MALRD1: variants seen among roughly 807,000 people sequenced by gnomAD.
MALRD1 encodes MAM and LDL receptor class A domain containing 1, also known as MAM and LDL-receptor class A domain-containing protein 1.
In MALRD1, 247 loss-of-function variants were observed where a neutral mutation model predicts 242.1. The ratio of observed to expected loss-of-function variants is 1.02; its 90% CI spans 0.92 to 1.13. The LOEUF (loss-of-function observed/expected upper bound fraction) is 1.13, where lower values mean the gene tolerates loss of function less well. Ranked by LOEUF, MALRD1 falls within the 50% of genes most tolerant of loss-of-function variation. The pLI is 0.00. For missense variants in MALRD1, 2,989 were observed against 2,533.1 expected (o/e 1.18, Z -3.86); for synonymous variants, 995 against 866.6 (o/e 1.15, Z -2.60).
chr10:19,607,096 T>C (rs569912330), intron 34 of MALRD1, among the ~76,000 whole-genome samples: 1 of 152,264 alleles, frequency 6.6e-6, no homozygotes, highest in Non-Finnish European at 1.5e-5. Flanking sequence ...ACAACCAAAG[T>C]CTTATGAGTA....
intron 5 of MALRD1, among the ~76,000 whole-genome samples, chr10:19,109,736 T>C (rs1836608863): frequency 1.3e-5 from 2 of 152,230 alleles, no homozygotes; most frequent in African/African-American, 2.4e-5. Context: ...AGATGCACTC[T>C]AGTCATGGCT....
rs1010491441 is a variant in MALRD1, at chr10:19,331,495, G to C, written c.3814G>C (p.Ala1272Pro). 2.6e-6 allele frequency: 4 copies of C among 1,550,264 alleles called. No individual in the cohort carries two copies. The African/African-American group carries it at 5.5e-5, about 21-fold the overall frequency. Residue 1272 changes from alanine to proline, a missense_variant, in exon 24 of 40, where the codon GCT becomes CCT. By Grantham distance (27) the Ala-to-Pro change is conservative. Coordinates refer to ENST00000454679, the MANE Select transcript of MALRD1 (RefSeq NM_001142308.3). ...GTGTACTGATCATGAATTCATGTGTGCTAATAAGCACTGCATTGCCAAAGA... is the reference window on the plus strand; with the variant it reads ...GTGTACTGATCATGAATTCATGTGTCCTAATAAGCACTGCATTGCCAAAGA... ...RKCTDHEFMC[A>P]NKHCIAKDKL...
At chr10:19,522,091 T>C (rs531566497) in intron 31 of MALRD1, among the ~76,000 whole-genome samples, 167 of 151,422 alleles carry the variant, frequency 1.1e-3, no homozygotes, top group African/African-American at 3.9e-3. Flanking sequence ...GCAAGATTAA[T>C]ATTTATAATT....
At chr10:19,246,079 C>T (rs770251170) in intron 18 of MALRD1, among the ~76,000 whole-genome samples, 2 of 152,060 alleles carry the variant, frequency 1.3e-5, no homozygotes, top group African/African-American at 4.8e-5. Context: ...GCTTTTAGTT[C>T]TGTGGTGTCA....
chr10:19,567,774 A>G lies in MALRD1; in HGVS notation c.5680+71A>G. The G allele has an allele frequency of 3.9e-6, 5 of 1,296,440 alleles. No homozygotes were observed. The African/African-American group carries it at 4.5e-5, about 12-fold the overall frequency. The allele number at this position is 1,296,440 out of a possible 1,614,324, so 80.3% of individuals were successfully genotyped here. ...ATCTAAATATACTAAAGATTTGGGA[A>G]TTTCTGAGGAATTACATTTATTTCT... On this transcript the variant is annotated intron_variant, in intron 33 of 39. Transcript: ENST00000454679.
intron 32 of MALRD1, among the ~76,000 whole-genome samples, chr10:19,545,235 A>G (rs1189855099): frequency 6.6e-6 from 1 of 152,148 alleles, no homozygotes; most frequent in Non-Finnish European, 1.5e-5. Context: ...AGCCTACCCT[A>G]ACAGCCTCAT....
chr10:19,412,881 T>G (rs1268974253), intron 28 of MALRD1, among the ~76,000 whole-genome samples: 1 of 152,216 alleles, frequency 6.6e-6, no homozygotes, highest in Non-Finnish European at 1.5e-5. Flanking sequence ...ATGTTAAGTG[T>G]AGACATTTCA....
chr10:19,420,481 G>T (rs1194448611), intron 28 of MALRD1, among the ~76,000 whole-genome samples: 1 of 151,934 alleles, frequency 6.6e-6, no homozygotes, highest in Non-Finnish European at 1.5e-5. Flanking sequence ...TGTTTCCATG[G>T]AATCACTATT....
intron 36 of MALRD1, among the ~76,000 whole-genome samples, chr10:19,662,898 A>T (rs1159849853): frequency 6.6e-6 from 1 of 152,174 alleles, no homozygotes; most frequent in African/African-American, 2.4e-5. Flanking sequence ...AAAAGCTTCA[A>T]GAGAAGAGTC....
chr10:19,683,839 C>T (rs539129603), intron 36 of MALRD1, among the ~76,000 whole-genome samples: 1 of 152,200 alleles, frequency 6.6e-6, no homozygotes, highest in South Asian at 2.1e-4. Context: ...TATACATGTG[C>T]TGTGGTGGTT....
intron 31 of MALRD1, among the ~76,000 whole-genome samples, chr10:19,524,138 A>C (rs773507973): frequency 7.2e-5 from 11 of 152,150 alleles, no homozygotes; most frequent in Non-Finnish European, 1.5e-4. Context: ...CTTTGAGGAA[A>C]CTTTTTCTCT....
At chr10:19,524,990 C>T (rs915816774) in intron 31 of MALRD1, among the ~76,000 whole-genome samples, 10 of 151,844 alleles carry the variant, frequency 6.6e-5, no homozygotes, top group Admixed American at 6.6e-4. Context: ...TGCAACCTCC[C>T]GCCTCCTAGG....
intron 36 of MALRD1, among the ~76,000 whole-genome samples, chr10:19,627,685 C>T (rs1326992): frequency 0.066 from 9,835 of 149,106 alleles, 779 homozygotes; most frequent in African/African-American, 0.19. Flanking sequence ...CACTTGAACA[C>T]GGTGGGCAGA....
chr10:19,427,496 A>C (rs1340473186), intron 28 of MALRD1, among the ~76,000 whole-genome samples: 24 of 152,202 alleles, frequency 1.6e-4, no homozygotes, highest in Non-Finnish European at 7.3e-5. Flanking sequence ...ACTGGCTTAA[A>C]CCATGTCTCG....
At chr10:19,328,403 T>C (rs1000904275) in intron 23 of MALRD1, among the ~76,000 whole-genome samples, 1 of 152,122 alleles carries the variant, frequency 6.6e-6, no homozygotes, top group Non-Finnish European at 1.5e-5. Context: ...GAGCCATTTA[T>C]GTACAACATT....
At chr10:19,184,924 C>A (rs1472723638) in intron 14 of MALRD1, among the ~76,000 whole-genome samples, 3 of 152,172 alleles carry the variant, frequency 2.0e-5, no homozygotes, top group Non-Finnish European at 4.4e-5. Context: ...ACAATCATAT[C>A]AACAAAGTAA....
chr10:19,386,225 A>C (rs1229647567), intron 26 of MALRD1, among the ~76,000 whole-genome samples: 2 of 152,126 alleles, frequency 1.3e-5, no homozygotes, highest in Non-Finnish European at 2.9e-5. Flanking sequence ...TTGTATCACC[A>C]GCCGTTTCCA....
chr10:19,660,998 A>G (rs1366610764), intron 36 of MALRD1, among the ~76,000 whole-genome samples: 3 of 152,220 alleles, frequency 2.0e-5, no homozygotes, highest in African/African-American at 7.2e-5. Flanking sequence ...ACTTCTTGAA[A>G]GAAGACATTT....
At chr10:19,589,384 A>G (rs1465914984) in intron 33 of MALRD1, among the ~76,000 whole-genome samples, 1 of 152,218 alleles carries the variant, frequency 6.6e-6, no homozygotes, top group East Asian at 1.9e-4. Flanking sequence ...GAATGAGAGT[A>G]ACTTTATTGC....
Sources: gnomAD v4.1 joint callset for allele counts (sites outside exome capture counted in the v4.1 genomes callset) on GRCh38, gnomAD v4.1.1 for gene constraint, MANE v1.5 for transcripts, NCBI Gene and HGNC (gene_info 2026-07-23, HGNC 2026-07-21) for gene names.